PAX2: variants seen among roughly 807,000 people sequenced by gnomAD.
PAX2 encodes the protein paired box protein Pax-2.
A neutral mutation model predicts 41.7 loss-of-function variants in PAX2; 9 were observed. The ratio of observed to expected loss-of-function variants is 0.22; its 90% CI spans 0.13 to 0.38. PAX2 has a LOEUF of 0.38. PAX2 is among the 10% of genes least tolerant of loss of function. PAX2 has a pLI of 1.00. For missense variants in PAX2, 418 were observed against 531.6 expected (o/e 0.79, Z 2.10); for synonymous variants, 221 against 212.7 (o/e 1.04, Z -0.34).
chr10:100,779,710 C>T, intron 4 of PAX2, 127 bp downstream of exon 4: 2 of 735,158 alleles, frequency 2.7e-6, no homozygotes, highest in Non-Finnish European at 4.9e-6. Context: ...CAACTCCTCT[C>T]ACCTGAGCTC....
chr10:100,803,965 C>T (rs927222011), intron 5 of PAX2, among the ~76,000 whole-genome samples: 3 of 152,242 alleles, frequency 2.0e-5, no homozygotes, highest in Admixed American at 2.0e-4. Context: ...ATCAGTGGAA[C>T]ATGATTGATC....
At chr10:100,753,448 T>C (rs932254094) in intron 3 of PAX2, among the ~76,000 whole-genome samples, 1 of 152,186 alleles carries the variant, frequency 6.6e-6, no homozygotes, top group African/African-American at 2.4e-5. Context: ...CTAGTGCTGG[T>C]TATATCAGAA....
chr10:100,748,375 A>G lies in PAX2; in HGVS notation c.44-1371A>G, dbSNP rs191272168. The G allele has an allele frequency of 6.8e-4, 665 of 983,888 alleles. No homozygotes were observed. The highest frequency in any genetic ancestry group is 7.8e-4 in the Non-Finnish European group (647 of 829,468). The allele number at this position is 983,888 out of a possible 1,614,324, so 60.9% of individuals were successfully genotyped here. On this transcript the variant is annotated intron_variant, in intron 1 of 9. Coordinates refer to ENST00000355243, the MANE Select transcript of PAX2 (RefSeq NM_000278.5). This position sits in a 1 kb window ranked among gnomAD's most constrained non-coding sequence, Gnocchi z 5.0. ...AGAAGGGGCTTCAGTCTCTCCCAGC[A>G]ACGCGATCAGAGGTCTTTCCCCAGG...
intron 7 of PAX2, among the ~76,000 whole-genome samples, chr10:100,815,782 C>A (rs1848166601): frequency 6.6e-6 from 1 of 152,196 alleles, no homozygotes; most frequent in East Asian, 1.9e-4. Context: ...AGAATAAAAG[C>A]TGTGCCACCT....
At chr10:100,787,073 A>G in intron 5 of PAX2, 1 of 983,080 alleles carries the variant, frequency 1.0e-6, no homozygotes, top group Admixed American at 2.0e-5. Context: ...GGTGGCGGTT[A>G]GAGAACATTC....
At chr10:100,778,241 CT>C (rs1343300172) in intron 3 of PAX2, among the ~76,000 whole-genome samples, 1 of 152,218 alleles carries the variant, frequency 6.6e-6, no homozygotes, top group East Asian at 1.9e-4. Context: ...TCCTCTGTGC[CT>C]CTGATTTCAG....
chr10:100,745,693 G>A lies in PAX2; in HGVS notation c.-568G>A. ...CGGCCCTTCGGCCGCGGCGGCGTGC[G>A]CCTGCCTTTTCCGGGGGCGGGGGCC... On this transcript the variant is annotated 5_prime_UTR_variant, in exon 1 of 10. Coordinates refer to ENST00000355243, the MANE Select transcript of PAX2 (RefSeq NM_000278.5). 1 of 956,234 alleles carries A rather than the reference G, an allele frequency of 1.0e-6. No individual in the cohort carries two copies. The highest frequency in any genetic ancestry group is 1.3e-6 in the Non-Finnish European group (1 of 792,102). 59.2% of individuals were successfully genotyped at this position (956,234 alleles called of 1,614,324 possible). A position where few individuals can be genotyped will look rare whatever the true frequency, so the allele number is the denominator to read the frequency against.
chr10:100,792,813 A>G (rs1847178910), intron 5 of PAX2, among the ~76,000 whole-genome samples: 1 of 151,326 alleles, frequency 6.6e-6, no homozygotes, highest in South Asian at 2.1e-4. Flanking sequence ...TGCTACACAC[A>G]CAAAAAGAAA....
chr10:100,743,425 AG>A (rs56132517), upstream of PAX2, among the ~76,000 whole-genome samples: 63,594 of 151,114 alleles, frequency 0.42, 14,327 homozygotes, highest in African/African-American at 0.57. Context: ...TCTGTGTGGA[AG>A]GGGGGGGGTT....
rs765817562 is a variant in PAX2 at position 100,809,254 on chromosome 10, A to G, written c.919+18A>G. On this transcript the variant is annotated intron_variant, in intron 7 of 9. Coordinates refer to ENST00000355243, the MANE Select transcript of PAX2 (RefSeq NM_000278.5). ...TGTGACTGGTAAGGGGGCTTCCAGG[A>G]GGGTGGGGGCACTGCGTTCAGTGGA... 1 of 1,611,450 alleles carries G rather than the reference A, an allele frequency of 6.2e-7. No individual in the cohort carries two copies. Among genetic ancestry groups the G allele is most frequent in the South Asian group, 1.1e-5 (1 of 91,020 alleles).
intron 7 of PAX2, among the ~76,000 whole-genome samples, chr10:100,812,299 T>C: frequency 6.6e-6 from 1 of 152,226 alleles, no homozygotes; most frequent in East Asian, 1.9e-4. Context: ...CCACTTTCCC[T>C]TCCGCCGCTG....
chr10:100,818,011 G>A (rs916992055), intron 7 of PAX2, among the ~76,000 whole-genome samples: 4 of 152,172 alleles, frequency 2.6e-5, no homozygotes, highest in Non-Finnish European at 4.4e-5. Flanking sequence ...GTGTATTTTT[G>A]TAAGTATTAT....
intron 1 of PAX2, among the ~76,000 whole-genome samples, chr10:100,736,728 G>A (rs4278454): frequency 0.37 from 56,211 of 151,796 alleles, 12,519 homozygotes; most frequent in East Asian, 0.96. Context: ...GTCCCCACTG[G>A]GAAACCTGAA....
At chr10:100,798,127 T>C (rs74607504) in intron 5 of PAX2, among the ~76,000 whole-genome samples, 2 of 146,604 alleles carry the variant, frequency 1.4e-5, no homozygotes, top group African/African-American at 2.5e-5. Flanking sequence ...TTTTTTTTTT[T>C]TAGACAGGGT....
chr10:100,762,906 C>T (rs1303775872), intron 3 of PAX2, among the ~76,000 whole-genome samples: 1 of 152,188 alleles, frequency 6.6e-6, no homozygotes, highest in Non-Finnish European at 1.5e-5. Context: ...GTTGTCTGTG[C>T]TGGACTCTGG....
chr10:100,806,866 C>A (rs1406186449), intron 6 of PAX2, among the ~76,000 whole-genome samples: 1 of 152,110 alleles, frequency 6.6e-6, no homozygotes, highest in Admixed American at 6.5e-5. Context: ...CTGTTCAGAG[C>A]CTCGGTTTCC....
At chr10:100,806,669 A>T in intron 6 of PAX2, 64 bp downstream of exon 6, 1 of 1,418,640 alleles carries the variant, frequency 7.0e-7, no homozygotes, top group South Asian at 1.1e-5. Flanking sequence ...CCTCTCAAAA[A>T]CTTGTTCACT....
At position 100,829,124 on chromosome 10, in the gene PAX2, CTA is replaced by C. The variant is rs994525034; in HGVS notation, c.*1507_*1508del. 1 of 231,478 alleles carries C rather than the reference CTA, an allele frequency of 4.3e-6. No homozygotes were observed. Among genetic ancestry groups the C allele is most frequent in the Non-Finnish European group, 8.6e-6 (1 of 116,758 alleles). The allele number at this position is 231,478 out of a possible 1,614,324, so 14.3% of individuals were successfully genotyped here. A position where few individuals can be genotyped will look rare whatever the true frequency, so the allele number is the denominator to read the frequency against. ...AAAAATTACGAAAGAAAAGAAATCTCTATGCAAAATGACGAACATGGTCCTGT... is the reference window on the plus strand; with the variant it reads ...AAAAATTACGAAAGAAAAGAAATCTCTGCAAAATGACGAACATGGTCCTGT... On this transcript the variant is annotated 3_prime_UTR_variant, in exon 10 of 10. Transcript: ENST00000355243.
intron 3 of PAX2, among the ~76,000 whole-genome samples, chr10:100,761,315 C>A (rs1845835793): frequency 6.6e-6 from 1 of 152,086 alleles, no homozygotes; most frequent in African/African-American, 2.4e-5. Context: ...ACAATGCTCA[C>A]CTGCGCTCTC....
Sources: allele counts gnomAD v4.1 joint callset (sites outside exome capture counted in the v4.1 genomes callset), GRCh38; gene constraint gnomAD v4.1.1; non-coding constraint Gnocchi (gnomAD v3.1); transcripts MANE v1.5; gene names NCBI Gene and HGNC (gene_info 2026-07-23, HGNC 2026-07-21).